The following PPM1E variants were observed in gnomAD, a reference collection of about 807,000 sequenced individuals.
PPM1E encodes the protein protein phosphatase 1E.
PPM1E carries 20 observed loss-of-function variants against 65.9 expected under a neutral mutation model. The ratio of observed to expected loss-of-function variants is 0.30; its 90% CI spans 0.21 to 0.44. The LOEUF is 0.44. PPM1E is among the 20% of genes least tolerant of loss of function. PPM1E has a pLI of 1.00. For synonymous variants in PPM1E, 352 were observed against 374.9 expected (o/e 0.94, Z 0.70); for missense variants, 713 against 953.1 (o/e 0.75, Z 3.32).
chr17:58,776,370 A>G (rs1289812877), intron 1 of PPM1E, among the ~76,000 whole-genome samples: 1 of 152,226 alleles, frequency 6.6e-6, no homozygotes, highest in Admixed American at 6.5e-5. Flanking sequence ...ATGAAAATCT[A>G]GTAATTTTAA....
Position 58,756,137 on chromosome 17 carries a change from C to T in PPM1E, c.140C>T (p.Pro47Leu). 1 of 1,603,726 alleles carries T rather than the reference C, an allele frequency of 6.2e-7. No homozygotes were observed. Among genetic ancestry groups the T allele is most frequent in the South Asian group, 1.1e-5 (1 of 89,808 alleles). The change falls in exon 1 of 7, where the codon CCC becomes CTC. Residue 47 changes from proline to leucine, a missense_variant. This residue lies in a region of PPM1E where 212 missense variants were observed against 204.0 expected (regional missense o/e 1.04). Transcript: ENST00000308249. ...CCCGAACCCGAACCCGAGTCCGAGC[C>T]CGAGCCCGAACCTGAACTGGTAGAA... ...PEPEPEPESE[P>L]EPEPELVEAE... is the part of the protein sequence containing the mutation.
chr17:58,899,899 A>T (rs1312054800), intron 1 of PPM1E, among the ~76,000 whole-genome samples: 1 of 152,064 alleles, frequency 6.6e-6, no homozygotes, highest in Non-Finnish European at 1.5e-5. Context: ...GAGAGAATTA[A>T]TAGTTCTACC....
intron 1 of PPM1E, among the ~76,000 whole-genome samples, chr17:58,927,431 A>T (rs577718919): frequency 6.6e-6 from 1 of 151,810 alleles, no homozygotes; most frequent in Non-Finnish European, 1.5e-5. Context: ...CACCCAGCCG[A>T]CTTTTAAACT....
intron 2 of PPM1E, among the ~76,000 whole-genome samples, chr17:58,958,263 G>A (rs2143651460): frequency 6.6e-6 from 1 of 151,606 alleles, no homozygotes; most frequent in African/African-American, 2.4e-5. Flanking sequence ...CAGGCTGGAG[G>A]GCTGTGGGAT....
intron 1 of PPM1E, among the ~76,000 whole-genome samples, chr17:58,774,168 C>G (rs1043036020): frequency 8.6e-5 from 13 of 151,096 alleles, no homozygotes; most frequent in Non-Finnish European, 1.2e-4. Flanking sequence ...GTCCCCCCCC[C>G]CCAAAAAAAA....
At chr17:58,924,416 T>C (rs2051797208) in intron 1 of PPM1E, among the ~76,000 whole-genome samples, 1 of 152,016 alleles carries the variant, frequency 6.6e-6, no homozygotes, top group Admixed American at 6.6e-5. Context: ...CTGGGTGTGG[T>C]GGCACATGCC....
chr17:58,824,773 A>AT (rs35598764), intron 1 of PPM1E, among the ~76,000 whole-genome samples: 315 of 132,412 alleles, frequency 2.4e-3, no homozygotes, highest in Middle Eastern at 7.6e-3. Context: ...TATTTTTTGT[A>AT]TTTTTTTTTT....
At chr17:58,860,916 G>A (rs968680660) in intron 1 of PPM1E, among the ~76,000 whole-genome samples, 10 of 151,718 alleles carry the variant, frequency 6.6e-5, no homozygotes, top group African/African-American at 2.2e-4. Flanking sequence ...CAGCCTGGGC[G>A]ACAGAGTGAG....
chr17:58,869,019 A>T lies in PPM1E; in HGVS notation c.465-86630A>T, dbSNP rs146818404. 7.9e-5 allele frequency among the ~76,000 whole-genome samples: 12 copies of T among 152,218 alleles called. No homozygotes were observed. The East Asian group carries it at 2.3e-3, about 29-fold the overall frequency. On this transcript the variant is annotated intron_variant, in intron 1 of 6. Coordinates refer to ENST00000308249, the MANE Select transcript of PPM1E (RefSeq NM_014906.5). ...TTGTCTTTACTAAAAATACAAAAAA[A>T]ATTAGCCAGGCATGGTGGCGTGTAC...
chr17:58,807,495 A>T (rs1251037351), intron 1 of PPM1E, among the ~76,000 whole-genome samples: 1 of 152,168 alleles, frequency 6.6e-6, no homozygotes, highest in Non-Finnish European at 1.5e-5. Flanking sequence ...ATGTTCTGGA[A>T]TTAGATAACG....
At chr17:58,862,694 T>C (rs1202803643) in intron 1 of PPM1E, among the ~76,000 whole-genome samples, 1 of 152,238 alleles carries the variant, frequency 6.6e-6, no homozygotes, top group Non-Finnish European at 1.5e-5. Flanking sequence ...TGTATATCTA[T>C]ATACCAATCC....
Position 58,985,139 on chromosome 17 carries a change from T to C in PPM1E, c.*4108T>C, listed in dbSNP as rs1030948752. The stretch of plus-strand genomic sequence containing the variant: ...ATTCAGGTAAGGTGTATGTTGAAAT[T>C]TTGCCAATTATCTTAATAAAACCTG... On this transcript the variant is annotated 3_prime_UTR_variant, in exon 7 of 7. Transcript: ENST00000308249. 1 of 152,670 alleles carries C rather than the reference T, an allele frequency of 6.6e-6. No individual in the cohort carries two copies. Among genetic ancestry groups the C allele is most frequent in the Admixed American group, 6.5e-5 (1 of 15,286 alleles). 9.5% of individuals were successfully genotyped at this position (152,670 alleles called of 1,614,324 possible).
intron 1 of PPM1E, among the ~76,000 whole-genome samples, chr17:58,931,085 AAGAAAG>A (rs1412652060): frequency 2.4e-4 from 24 of 99,830 alleles, no homozygotes; most frequent in African/African-American, 6.6e-4. Flanking sequence ...AAAAAAAAAA[AAGAAAG>A]AAAGAAAGAA....
At chr17:58,916,370 T>C (rs765008073) in intron 1 of PPM1E, among the ~76,000 whole-genome samples, 1 of 152,214 alleles carries the variant, frequency 6.6e-6, no homozygotes, top group African/African-American at 2.4e-5. Context: ...TTTAAGTAAA[T>C]ATTTAATTAA....
At chr17:58,813,427 G>A (rs1342960071) in intron 1 of PPM1E, among the ~76,000 whole-genome samples, 1 of 152,150 alleles carries the variant, frequency 6.6e-6, no homozygotes, top group Non-Finnish European at 1.5e-5. Flanking sequence ...CTAAGATGTC[G>A]TGCTGGATCA....
chr17:58,896,252 ACT>A (rs949239917), intron 1 of PPM1E, among the ~76,000 whole-genome samples: 1 of 152,144 alleles, frequency 6.6e-6, no homozygotes, highest in Non-Finnish European at 1.5e-5. Context: ...CAAGGCCCTA[ACT>A]CTCTTCAATT....
intron 1 of PPM1E, among the ~76,000 whole-genome samples, chr17:58,891,032 G>T (rs144256483): frequency 2.0e-5 from 3 of 151,950 alleles, no homozygotes; most frequent in Admixed American, 6.6e-5. Flanking sequence ...GTGCAATGGC[G>T]TAATCTCAGC....
At chr17:58,775,376 G>A (rs1005070675) in intron 1 of PPM1E, among the ~76,000 whole-genome samples, 1 of 152,074 alleles carries the variant, frequency 6.6e-6, no homozygotes, top group African/African-American at 2.4e-5. Flanking sequence ...ATATGAGCCA[G>A]TATAATCTAG....
intron 4 of PPM1E, among the ~76,000 whole-genome samples, chr17:58,971,432 AT>A (rs2143721468): frequency 6.6e-6 from 1 of 152,288 alleles, no homozygotes; most frequent in African/African-American, 2.4e-5. Context: ...TGGGGATGTC[AT>A]TTTCGTATAG....
Sources: allele counts gnomAD v4.1 joint callset (sites outside exome capture counted in the v4.1 genomes callset), GRCh38; gene constraint gnomAD v4.1.1; regional missense constraint gnomAD v4.1.1; transcripts MANE v1.5; gene names NCBI Gene and HGNC (gene_info 2026-07-23, HGNC 2026-07-21).